Variants in TDRD5 observed in about 807,000 individuals in gnomAD.
The protein encoded by TDRD5 is tudor domain containing 5.
A neutral mutation model predicts 120.6 loss-of-function variants in TDRD5; 41 were observed. That is an observed-to-expected ratio of 0.34 (90% CI 0.26 to 0.44). TDRD5 has a LOEUF of 0.44. Ranked by LOEUF, TDRD5 falls within the 20% of genes least tolerant of loss-of-function variation. TDRD5 has a pLI of 1.00. For missense variants in TDRD5, 1,006 were observed against 1,221.2 expected (o/e 0.82, Z 2.63); for synonymous variants, 430 against 433.7 (o/e 0.99, Z 0.11).
chr1:179,638,441 C>A (rs1677884561), intron 9 of TDRD5, among the ~76,000 whole-genome samples: 1 of 128,442 alleles, frequency 7.8e-6, no homozygotes, highest in Non-Finnish European at 1.7e-5. Context: ...CCATGAGAGT[C>A]ACTGGCAATG....
At chr1:179,644,056 ATCT>A (rs1678206853) in intron 11 of TDRD5, among the ~76,000 whole-genome samples, 1 of 151,276 alleles carries the variant, frequency 6.6e-6, no homozygotes, top group East Asian at 1.9e-4. Context: ...GGAATTCTAT[ATCT>A]AGTGAAAATA....
At chr1:179,683,122 G>A (rs1159965087) in intron 17 of TDRD5, among the ~76,000 whole-genome samples, 1 of 152,090 alleles carries the variant, frequency 6.6e-6, no homozygotes, top group Non-Finnish European at 1.5e-5. Context: ...AACTCAGTAA[G>A]ACTACCTGGT....
intron 17 of TDRD5, among the ~76,000 whole-genome samples, chr1:179,686,993 G>C (rs190433938): frequency 2.3e-4 from 35 of 152,214 alleles, no homozygotes; most frequent in Middle Eastern, 3.4e-3. Context: ...CAAAAAACCA[G>C]CTCCTGGATT....
At chr1:179,671,597 A>T (rs938681867) in intron 17 of TDRD5, among the ~76,000 whole-genome samples, 2 of 124,542 alleles carry the variant, frequency 1.6e-5, no homozygotes, top group African/African-American at 5.8e-5. Flanking sequence ...AAATTTAAAA[A>T]ATTTACTTCA....
chr1:179,601,853 T>C (rs919763889), intron 4 of TDRD5, among the ~76,000 whole-genome samples: 2 of 152,256 alleles, frequency 1.3e-5, no homozygotes, highest in Admixed American at 6.5e-5. Context: ...TCGCCCAGGC[T>C]GGAGTGCAGT....
intron 17 of TDRD5, among the ~76,000 whole-genome samples, chr1:179,670,381 GAC>G (rs1259567583): frequency 2.7e-5 from 4 of 149,108 alleles, no homozygotes; most frequent in African/African-American, 9.9e-5. Flanking sequence ...GACAGAGTGA[GAC>G]TCCGTCTCAA....
At chr1:179,682,767 C>T (rs570463981) in intron 17 of TDRD5, among the ~76,000 whole-genome samples, 249 of 151,652 alleles carry the variant, frequency 1.6e-3, no homozygotes, top group Admixed American at 3.0e-3. Flanking sequence ...TGGTTTGGCT[C>T]TGCTATTTAG....
At chr1:179,659,583 G>A (rs993897163) in intron 14 of TDRD5, among the ~76,000 whole-genome samples, 4 of 144,630 alleles carry the variant, frequency 2.8e-5, no homozygotes, top group African/African-American at 5.0e-5. Flanking sequence ...GTGTGTGTGT[G>A]TGTGTGTGCG....
At chr1:179,652,878 C>A (rs1678795214) in intron 13 of TDRD5, among the ~76,000 whole-genome samples, 1 of 152,014 alleles carries the variant, frequency 6.6e-6, no homozygotes, top group Non-Finnish European at 1.5e-5. Context: ...GTTTCATGCA[C>A]AAAATTATTT....
At position 179,651,058 on chromosome 1, in the gene TDRD5, C is replaced by A; in HGVS notation, c.1992C>A (p.Ile664=). Residue 664 remains isoleucine, a synonymous_variant, in exon 12 of 18, where the codon ATC becomes ATA. Coordinates refer to ENST00000444136, the MANE Select transcript of TDRD5 (RefSeq NM_001199085.3). ...EGHAIVCREN[I]SSKGFSELNP... is the part of the protein sequence containing the mutation. ...ATGCTATTGTATGCCGAGAAAATAT[C>A]TCTTCTAAGGTGGAGCAGTCTGGAT... is the stretch of plus-strand genomic sequence containing the variant. The A allele has an allele frequency of 6.2e-7, 1 of 1,614,026 alleles. No individual in the cohort carries two copies. The highest frequency in any genetic ancestry group is 8.5e-7 in the Non-Finnish European group (1 of 1,180,004).
In TDRD5 at chr1:179,662,109, G is replaced by C; in HGVS notation, c.2328G>C (p.Glu776Asp). 6.4e-7 allele frequency: 1 copy of C among 1,557,750 alleles called. No homozygotes were observed. Among genetic ancestry groups the C allele is most frequent in the Non-Finnish European group, 8.6e-7 (1 of 1,156,352 alleles). Residue 776 changes from glutamate (E) to aspartate (D), a missense_variant, in exon 15 of 18, where the codon GAG becomes GAC. Coordinates refer to ENST00000444136, the MANE Select transcript of TDRD5 (RefSeq NM_001199085.3). ...TGTCTTCTGTTACATTTTAGGATGA[G>C]ATCCCCACTGGAATGCCATGCCTGG... ...PNDLKEENEDEIPTGMPCLES... is the reference protein window; with the variant it reads ...PNDLKEENEDDIPTGMPCLES...
At chr1:179,654,758 ACT>A (rs1186227908) in intron 14 of TDRD5, among the ~76,000 whole-genome samples, 1 of 151,956 alleles carries the variant, frequency 6.6e-6, no homozygotes, top group East Asian at 1.9e-4. Context: ...ATAGAGTGAG[ACT>A]CTGTCTCAAA....
intron 6 of TDRD5, among the ~76,000 whole-genome samples, chr1:179,622,066 C>T (rs1428391550): frequency 1.3e-5 from 2 of 152,084 alleles, no homozygotes; most frequent in Admixed American, 1.3e-4. Context: ...TATGTTAGGT[C>T]AAGATAATAC....
intron 4 of TDRD5, among the ~76,000 whole-genome samples, chr1:179,598,589 A>G (rs1675532589): frequency 6.6e-6 from 1 of 152,126 alleles, no homozygotes. Context: ...TATTTTGTTA[A>G]ACTTATCCTT....
intron 14 of TDRD5, among the ~76,000 whole-genome samples, chr1:179,657,208 T>G (rs886334851): frequency 6.6e-6 from 1 of 152,202 alleles, no homozygotes; most frequent in Non-Finnish European, 1.5e-5. Flanking sequence ...GTTATATATA[T>G]AGATAATTTT....
chr1:179,674,122 T>C (rs930316195), intron 17 of TDRD5, among the ~76,000 whole-genome samples: 1 of 152,186 alleles, frequency 6.6e-6, no homozygotes, highest in African/African-American at 2.4e-5. Flanking sequence ...CCTTGTCTGT[T>C]CCATTTCTCA....
At chr1:179,595,554 G>A in intron 3 of TDRD5, 74 bp from the exon 4 acceptor site, 9 of 1,353,962 alleles carry the variant, frequency 6.6e-6, no homozygotes, top group Non-Finnish European at 9.0e-6. Context: ...AGTAGCCTCT[G>A]TATGTAGCCA....
At chr1:179,690,194 ACCT>A (rs1681058462) in intron 17 of TDRD5, among the ~76,000 whole-genome samples, 1 of 151,926 alleles carries the variant, frequency 6.6e-6, no homozygotes, top group African/African-American at 2.4e-5. Flanking sequence ...CCATCTTAGA[ACCT>A]CTCGGCATTT....
intron 4 of TDRD5, among the ~76,000 whole-genome samples, chr1:179,605,183 G>A (rs1015408248): frequency 7.2e-5 from 11 of 152,108 alleles, no homozygotes; most frequent in Admixed American, 2.6e-4. Flanking sequence ...TCTGATATAA[G>A]AATACTTACC....
Sources: allele counts gnomAD v4.1 joint callset (sites outside exome capture counted in the v4.1 genomes callset), GRCh38; gene constraint gnomAD v4.1.1; transcripts MANE v1.5; gene names NCBI Gene and HGNC (gene_info 2026-07-23, HGNC 2026-07-21).